The following GRIK2 variants were observed in gnomAD, a reference collection of about 807,000 sequenced individuals.
GRIK2 encodes glutamate receptor ionotropic, kainate 2.
GRIK2 carries 32 observed loss-of-function variants against 100.3 expected under a neutral mutation model. The ratio of observed to expected loss-of-function variants is 0.32; its 90% confidence interval spans 0.24 to 0.43. The LOEUF is 0.43. Ranked by LOEUF, GRIK2 falls within the 20% of genes least tolerant of loss-of-function variation. GRIK2 has a pLI of 1.00. For missense variants in GRIK2, 843 were observed against 1,114.9 expected (o/e 0.76, Z 3.47); for synonymous variants, 417 against 389.4 (o/e 1.07, Z -0.83).
chr6:101,765,819 C>G (rs976405538), intron 7 of GRIK2, among the ~76,000 whole-genome samples: 8 of 152,156 alleles, frequency 5.3e-5, no homozygotes, highest in Non-Finnish European at 1.0e-4. Flanking sequence ...GTGATTAAAA[C>G]TACTCTTCAT....
intron 7 of GRIK2, chr6:101,744,554 ATATAT>A (rs1776296834): frequency 8.7e-6 from 1 of 114,788 alleles, no homozygotes; most frequent in African/African-American, 3.6e-5. Flanking sequence ...ATATATATAT[ATATAT>A]CACAATTTCT....
chr6:101,894,142 G>A (rs1340047428), intron 12 of GRIK2, among the ~76,000 whole-genome samples: 1 of 151,292 alleles, frequency 6.6e-6, no homozygotes, highest in African/African-American at 2.4e-5. Context: ...ATAATTGTTA[G>A]AATTTATGTT....
intron 2 of GRIK2, among the ~76,000 whole-genome samples, chr6:101,536,915 T>G (rs1327988044): frequency 6.6e-6 from 1 of 151,794 alleles, no homozygotes; most frequent in Non-Finnish European, 1.5e-5. Context: ...ATATTGTGTT[T>G]ATAATTTTTA....
intron 2 of GRIK2, among the ~76,000 whole-genome samples, chr6:101,498,905 G>A (rs1773599501): frequency 6.6e-6 from 1 of 152,048 alleles, no homozygotes; most frequent in South Asian, 2.1e-4. Flanking sequence ...GGCTTTTGTT[G>A]CCATTGCTTT....
intron 10 of GRIK2, among the ~76,000 whole-genome samples, chr6:101,847,312 C>T (rs1783868335): frequency 6.6e-6 from 1 of 152,008 alleles, no homozygotes; most frequent in African/African-American, 2.4e-5. Context: ...ATGGGCTGTA[C>T]TTTCTTGTTT....
intron 2 of GRIK2, among the ~76,000 whole-genome samples, chr6:101,461,729 C>A (rs1771317090): frequency 6.6e-6 from 1 of 151,982 alleles, no homozygotes; most frequent in Admixed American, 6.6e-5. Flanking sequence ...TCTGCCTACC[C>A]CAGGCTGAAA....
chr6:101,886,095 C>T (rs1233174312), intron 11 of GRIK2, among the ~76,000 whole-genome samples: 1 of 152,132 alleles, frequency 6.6e-6, no homozygotes, highest in African/African-American at 2.4e-5. Flanking sequence ...GAATCCTTGG[C>T]AACCACTGAT....
intron 10 of GRIK2, among the ~76,000 whole-genome samples, chr6:101,830,454 A>G (rs1213761899): frequency 6.6e-6 from 1 of 152,078 alleles, no homozygotes; most frequent in East Asian, 1.9e-4. Context: ...ATGCAAAAAA[A>G]TATTTGCAAA....
Position 101,436,695 on chromosome 6 carries a change from A to G in GRIK2, c.115+37303A>G, listed in dbSNP as rs183188443. Among the ~76,000 whole-genome samples, 415 of 152,020 alleles carry G rather than the reference A, an allele frequency of 2.7e-3. 3 individuals are homozygous for G. Among genetic ancestry groups the G allele is most frequent in the African/African-American group, 9.5e-3 (395 of 41,540 alleles). On this transcript the variant is annotated intron_variant, in intron 2 of 16. Transcript: ENST00000369134. ...ATGTATAAATCTTTTGTAGAACTAAATCACCAGATTTAAGATCTTTTAGTT... is the reference window on the plus strand; with the variant it reads ...ATGTATAAATCTTTTGTAGAACTAAGTCACCAGATTTAAGATCTTTTAGTT...
chr6:101,445,362 G>A (rs1315323210), intron 2 of GRIK2, among the ~76,000 whole-genome samples: 2 of 141,574 alleles, frequency 1.4e-5, no homozygotes, highest in Admixed American at 7.4e-5. Context: ...TTCCATATCC[G>A]AGAACTATAA....
chr6:101,652,438 T>G (rs1428821805), intron 4 of GRIK2, among the ~76,000 whole-genome samples: 1 of 152,242 alleles, frequency 6.6e-6, no homozygotes, highest in East Asian at 1.9e-4. Flanking sequence ...TCTAGAACTG[T>G]AGGAAATATC....
rs568578198 is a variant in GRIK2, at chr6:102,047,870, T to C, written c.2312-7460T>C. ...AATAGAAAAGCAATCCTATAGATTA[T>C]GTGAAATTACAAAAAGGCCTAATAC... On this transcript the variant is annotated intron_variant, in intron 15 of 16. Coordinates refer to ENST00000369134, the MANE Select transcript of GRIK2 (RefSeq NM_021956.5). Among the ~76,000 whole-genome samples the C allele has an allele frequency of 1.2e-4, 18 of 152,160 alleles. No homozygotes were observed. The East Asian group carries it at 3.3e-3, about 28-fold the overall frequency.
intron 2 of GRIK2, among the ~76,000 whole-genome samples, chr6:101,416,976 T>C (rs1359052509): frequency 6.6e-6 from 1 of 152,176 alleles, no homozygotes; most frequent in African/African-American, 2.4e-5. Flanking sequence ...AAGGTGACTG[T>C]GCTAGTCTGT....
chr6:101,446,985 T>TAC (rs1210590591), intron 2 of GRIK2, among the ~76,000 whole-genome samples: 1 of 398 alleles, frequency 2.5e-3, no homozygotes, highest in East Asian at 0.25. Context: ...ATTATATGTT[T>TAC]ATATATATGT....
chr6:101,724,273 T>C (rs1774702995), intron 7 of GRIK2, among the ~76,000 whole-genome samples: 1 of 151,530 alleles, frequency 6.6e-6, no homozygotes, highest in Non-Finnish European at 1.5e-5. Context: ...AGGTGTGGAG[T>C]TTACGTTATC....
intron 2 of GRIK2, among the ~76,000 whole-genome samples, chr6:101,601,056 G>T (rs1305312145): frequency 2.0e-5 from 3 of 150,904 alleles, no homozygotes; most frequent in Admixed American, 1.3e-4. Context: ...GATGTTGGCT[G>T]TGTGTTTGTC....
At position 101,828,413 on chromosome 6, in the gene GRIK2, G is replaced by A. The variant is rs573449112; in HGVS notation, c.1317+9930G>A. ...CTAAATCCAGAGCTAGCGTAAAAAAGAAATAACTATAATCAGAGCAAAACT... is the reference window on the plus strand; with the variant it reads ...CTAAATCCAGAGCTAGCGTAAAAAAAAAATAACTATAATCAGAGCAAAACT... On this transcript the variant is annotated intron_variant, in intron 10 of 16. Coordinates refer to ENST00000369134, the MANE Select transcript of GRIK2 (RefSeq NM_021956.5). Among the ~76,000 whole-genome samples the A allele has an allele frequency of 2.6e-5, 4 of 151,860 alleles. No individual in the cohort carries two copies. In the South Asian group the frequency reaches 8.3e-4, roughly 32 times the overall value.
chr6:101,938,633 G>A lies in GRIK2; in HGVS notation c.2085+10001G>A, dbSNP rs571618470. Among the ~76,000 whole-genome samples, 17 of 152,172 alleles carry A rather than the reference G, an allele frequency of 1.1e-4. No individual in the cohort carries two copies. The South Asian group carries it at 3.5e-3, about 32-fold the overall frequency. On this transcript the variant is annotated intron_variant, in intron 14 of 16. Coordinates refer to ENST00000369134, the MANE Select transcript of GRIK2 (RefSeq NM_021956.5). ...ATGCACAAAGGTGAGCACTTTGATTGATGTGTATTCAGAGAAGTACTTTAA... is the reference window on the plus strand; with the variant it reads ...ATGCACAAAGGTGAGCACTTTGATTAATGTGTATTCAGAGAAGTACTTTAA...
chr6:101,671,811 C>T, intron 4 of GRIK2, among the ~76,000 whole-genome samples: 1 of 152,104 alleles, frequency 6.6e-6, no homozygotes, highest in South Asian at 2.1e-4. Flanking sequence ...TTGTAGTGAG[C>T]CAAGATCGCG....
Sources: gnomAD v4.1 joint callset for allele counts (sites outside exome capture counted in the v4.1 genomes callset) on GRCh38, gnomAD v4.1.1 for gene constraint, MANE v1.5 for transcripts, NCBI Gene and HGNC (gene_info 2026-07-23, HGNC 2026-07-21) for gene names.